PHIP: variants seen among roughly 807,000 people sequenced by gnomAD.
PHIP encodes the protein PH-interacting protein.
PHIP carries 54 observed loss-of-function variants against 236.8 expected under a neutral mutation model. That is an observed-to-expected ratio of 0.23 (90% confidence interval 0.18 to 0.29). The LOEUF (loss-of-function observed/expected upper bound fraction) is 0.29, where lower values mean the gene tolerates loss of function less well. Ranked by LOEUF, PHIP falls within the 10% of genes least tolerant of loss-of-function variation. PHIP has a pLI of 1.00. For missense variants in PHIP, 1,370 were observed against 2,190.8 expected (o/e 0.63, Z 7.48); for synonymous variants, 756 against 718.9 (o/e 1.05, Z -0.83).
At chr6:79,004,804 ACTTT>A (rs1009221886) in intron 15 of PHIP, among the ~76,000 whole-genome samples, 2 of 152,110 alleles carry the variant, frequency 1.3e-5, no homozygotes, top group East Asian at 1.9e-4. Context: ...AAAGGTAGTA[ACTTT>A]CTTTCTTTAG....
intron 17 of PHIP, among the ~76,000 whole-genome samples, chr6:78,999,299 AC>A (rs1375048516): frequency 1.3e-5 from 2 of 152,112 alleles, no homozygotes; most frequent in Admixed American, 6.6e-5. Context: ...ATAAAGATAA[AC>A]ATGACAATCT....
At chr6:78,988,152 A>G in intron 21 of PHIP, 57 bp downstream of exon 21, 1 of 1,271,302 alleles carries the variant, frequency 7.9e-7, no homozygotes, top group Non-Finnish European at 1.1e-6. Context: ...AATGAAACTC[A>G]TATTTAAAAA....
At chr6:78,962,784 A>G (rs143497374) in intron 30 of PHIP, among the ~76,000 whole-genome samples, 108 of 152,272 alleles carry the variant, frequency 7.1e-4, no homozygotes, top group African/African-American at 2.6e-3. Flanking sequence ...TCCTCCTCCA[A>G]TTCATATCAT....
chr6:78,982,982 C>T lies in PHIP; in HGVS notation c.2673G>A (p.Lys891=). The T allele has an allele frequency of 1.2e-6, 2 of 1,607,924 alleles. No homozygotes were observed. The highest frequency in any genetic ancestry group is 1.7e-4 in the Middle Eastern group (1 of 6,050). The change falls in exon 23 of 40, where the codon AAG becomes AAA. Residue 891 remains lysine, a synonymous_variant. Transcript: ENST00000275034. ...SDEEEESEKQ[K]QKQIKKEKKK... Reference sequence around the variant, plus strand: ...TCTTTTCCTTTTTAATCTGTTTTTGCTTCTGTTTTTCAGATTCTTCTTCTT... The same window carrying T: ...TCTTTTCCTTTTTAATCTGTTTTTGTTTCTGTTTTTCAGATTCTTCTTCTT...
chr6:79,051,121 A>G (rs1378855220), intron 6 of PHIP, among the ~76,000 whole-genome samples: 1 of 152,188 alleles, frequency 6.6e-6, no homozygotes, highest in Admixed American at 6.5e-5. Flanking sequence ...GGTATCAAGG[A>G]AGTAATGACA....
At chr6:78,972,799 G>T (rs1767694027) in intron 24 of PHIP, among the ~76,000 whole-genome samples, 1 of 152,044 alleles carries the variant, frequency 6.6e-6, no homozygotes, top group African/African-American at 2.4e-5. Flanking sequence ...TGAAATGAAT[G>T]AAATGAAGCG....
chr6:79,015,569 G>GA (rs1230177940), intron 14 of PHIP, 61 bp downstream of exon 14: 13 of 1,241,516 alleles, frequency 1.0e-5, no homozygotes, highest in African/African-American at 9.1e-5. Context: ...TCCTCAATGA[G>GA]AATGTTTCAT....
chr6:79,067,764 G>C (rs553125264), intron 4 of PHIP: 31 of 153,418 alleles, frequency 2.0e-4, no homozygotes, highest in African/African-American at 7.0e-4. Flanking sequence ...CAGCAACTCT[G>C]CTCATTCCTT....
Position 78,954,812 on chromosome 6 carries a change from A to C in PHIP, c.4053+2T>G. ...AAAGAAAATATTTTCAAAAATACTTACTGGATATTCAAGGAGATCTACCGG... is the reference window on the plus strand; with the variant it reads ...AAAGAAAATATTTTCAAAAATACTTCCTGGATATTCAAGGAGATCTACCGG... On this transcript the variant is annotated splice_donor_variant, in intron 35 of 39. Coordinates refer to ENST00000275034, the MANE Select transcript of PHIP (RefSeq NM_017934.7). LOFTEE classifies it high-confidence loss of function. 1 of 1,569,978 alleles carries C rather than the reference A, an allele frequency of 6.4e-7. No homozygotes were observed. The highest frequency in any genetic ancestry group is 1.4e-5 in the African/African-American group (1 of 72,274).
chr6:79,002,400 C>T (rs1160635605), intron 16 of PHIP, among the ~76,000 whole-genome samples: 1 of 152,032 alleles, frequency 6.6e-6, no homozygotes, highest in Non-Finnish European at 1.5e-5. Flanking sequence ...ATTTTGCTTT[C>T]CATGGTTTCA....
intron 7 of PHIP, among the ~76,000 whole-genome samples, chr6:79,030,778 T>C (rs1771629911): frequency 6.6e-6 from 1 of 152,160 alleles, no homozygotes; most frequent in South Asian, 2.1e-4. Flanking sequence ...TAGATTTTTA[T>C]CTGGAAAACT....
intron 29 of PHIP, among the ~76,000 whole-genome samples, chr6:78,965,193 T>C (rs982712817): frequency 6.6e-6 from 1 of 152,234 alleles, no homozygotes; most frequent in Non-Finnish European, 1.5e-5. Flanking sequence ...ACACACATGA[T>C]GCTATTTAAT....
chr6:79,009,397 T>G (rs1479828315), intron 15 of PHIP, among the ~76,000 whole-genome samples: 1 of 152,098 alleles, frequency 6.6e-6, no homozygotes, highest in East Asian at 1.9e-4. Context: ...ATAGTTTCAA[T>G]TCCTTCTCCT....
At chr6:78,998,814 A>C (rs1352906185) in intron 17 of PHIP, among the ~76,000 whole-genome samples, 1 of 152,164 alleles carries the variant, frequency 6.6e-6, no homozygotes, top group Non-Finnish European at 1.5e-5. Flanking sequence ...TCTTAAAAAA[A>C]ATGTTTACTG....
chr6:79,037,049 AAC>A (rs1298931394), intron 7 of PHIP, among the ~76,000 whole-genome samples: 1 of 152,130 alleles, frequency 6.6e-6, no homozygotes, highest in East Asian at 1.9e-4. Flanking sequence ...CAATACTGAT[AAC>A]ACTACCAATA....
intron 19 of PHIP, among the ~76,000 whole-genome samples, chr6:78,992,809 C>T (rs532274589): frequency 6.6e-6 from 1 of 152,130 alleles, no homozygotes; most frequent in South Asian, 2.1e-4. Context: ...TTCCCTGAGA[C>T]AGAACAATAT....
At chr6:79,023,208 A>T (rs894047259) in intron 9 of PHIP, among the ~76,000 whole-genome samples, 1 of 152,168 alleles carries the variant, frequency 6.6e-6, no homozygotes, top group African/African-American at 2.4e-5. Context: ...ACCCCTGAGT[A>T]GCTGGGACTA....
intron 6 of PHIP, among the ~76,000 whole-genome samples, chr6:79,058,581 G>C (rs530796754): frequency 1.3e-5 from 2 of 152,194 alleles, no homozygotes; most frequent in South Asian, 2.1e-4. Flanking sequence ...ACTTCTCACT[G>C]CATGTGTGAA....
At position 78,998,283 on chromosome 6, in the gene PHIP, A is replaced by G. The variant is rs7747479; in HGVS notation, c.1988T>C (p.Val663Ala). The G allele has an allele frequency of 6.2e-7, 1 of 1,611,736 alleles. No homozygotes were observed. The change falls in exon 18 of 40, where the codon GTT becomes GCT. Residue 663 changes from valine (V) to alanine (A), a missense_variant. Val to Ala is a moderately conservative substitution (Grantham distance 64). Transcript: ENST00000275034. ...ACTTAAACGGCTGGTATTACTGATAACTGCTTCACCAGAACGTCTCAGGTC... is the reference window on the plus strand; with the variant it reads ...ACTTAAACGGCTGGTATTACTGATAGCTGCTTCACCAGAACGTCTCAGGTC... The part of the protein sequence containing the change: ...EQDLRRSGEA[V>A]ISNTSRLSRG...
Sources: allele counts gnomAD v4.1 joint callset (sites outside exome capture counted in the v4.1 genomes callset), GRCh38; gene constraint gnomAD v4.1.1; transcripts MANE v1.5; gene names NCBI Gene and HGNC (gene_info 2026-07-23, HGNC 2026-07-21).